The following TPPP variants were observed in gnomAD, a reference collection of about 807,000 sequenced individuals.
The protein encoded by TPPP is tubulin polymerization-promoting protein.
A neutral mutation model predicts 15.5 loss-of-function variants in TPPP; 6 were observed. That is an observed-to-expected ratio of 0.39 (90% confidence interval 0.21 to 0.77). TPPP has a LOEUF of 0.77. Ranked by LOEUF, TPPP falls within the 30% of genes least tolerant of loss-of-function variation. The pLI is 0.42. For synonymous variants in TPPP, 146 were observed against 133.9 expected (o/e 1.09, Z -0.63); for missense variants, 269 against 307.2 (o/e 0.88, Z 0.93).
intron 2 of TPPP, chr5:675,978 C>T (rs944963341): frequency 6.6e-6 from 1 of 152,114 alleles, no homozygotes; most frequent in Non-Finnish European, 1.5e-5. Flanking sequence ...GAGACCAGCT[C>T]GCACCCGGGG....
chr5:682,722 C>T (rs1454519921), intron 1 of TPPP, among the ~76,000 whole-genome samples: 1 of 152,128 alleles, frequency 6.6e-6, no homozygotes, highest in African/African-American at 2.4e-5. Flanking sequence ...GCAGCAGCCT[C>T]GGTGCTCCCT....
At chr5:671,196 G>A (rs936922284) in intron 2 of TPPP, among the ~76,000 whole-genome samples, 15 of 151,632 alleles carry the variant, frequency 9.9e-5, no homozygotes, top group Admixed American at 2.0e-4. Flanking sequence ...CACACCCTGC[G>A]CTTGCTGCTA....
intron 1 of TPPP, among the ~76,000 whole-genome samples, chr5:683,298 C>CTG (rs60325690): frequency 0.48 from 72,576 of 151,918 alleles, 18,264 homozygotes; most frequent in South Asian, 0.57. Flanking sequence ...GAAAGACACT[C>CTG]TGATGGCAGC....
At chr5:692,680 C>A in intron 1 of TPPP, 3 of 982,760 alleles carry the variant, frequency 3.1e-6, no homozygotes, top group Non-Finnish European at 3.6e-6. Context: ...GCCACAGGCC[C>A]GCGGACAGTA....
intron 1 of TPPP, among the ~76,000 whole-genome samples, chr5:685,007 A>G (rs892994844): frequency 1.2e-4 from 19 of 152,102 alleles, no homozygotes; most frequent in Non-Finnish European, 2.1e-4. Flanking sequence ...GGGCCGCCCC[A>G]GGACACACGT....
upstream of TPPP, among the ~76,000 whole-genome samples, chr5:693,727 G>C (rs570602563): frequency 5.5e-3 from 827 of 150,940 alleles, 7 homozygotes; most frequent in African/African-American, 0.019. Context: ...TTGACGGTGC[G>C]GCGGGGGATG....
chr5:697,185 ACT>A (rs56718634), upstream of TPPP, among the ~76,000 whole-genome samples: 56,971 of 146,542 alleles, frequency 0.39, 7,657 homozygotes, highest in Middle Eastern at 0.46. Flanking sequence ...CCAGGGAGCG[ACT>A]CTGGCCCCCC....
chr5:666,079 G>C lies in TPPP; in HGVS notation c.356C>G (p.Ala119Gly), dbSNP rs749246726. The stretch of plus-strand genomic sequence containing the variant: ...TCGCTTCTTGGCGAGCTCCTCCAGC[G>C]CCTCCTGGAACTGCTCAAAGGTGAT... ...RTITFEQFQE[A>G]LEELAKKRFK... The change falls in exon 3 of 4, where the codon GCG becomes GGG. Residue 119 changes from alanine (A) to glycine (G), a missense_variant. Physicochemically the swap from Ala to Gly is moderately conservative, Grantham distance 60. Transcript: ENST00000360578. The C allele has an allele frequency of 3.7e-6, 6 of 1,612,124 alleles. No individual in the cohort carries two copies. In the East Asian group the frequency reaches 1.1e-4, roughly 30 times the overall value.
chr5:672,066 C>T lies in TPPP; in HGVS notation c.311+5684G>A, dbSNP rs546207779. ...CGGCTGCCCTCCAAACACACTGTGA[C>T]CTGGATTCTCTCCAAACCTGGGTCC... On this transcript the variant is annotated intron_variant, in intron 2 of 3. Coordinates refer to ENST00000360578, the MANE Select transcript of TPPP (RefSeq NM_007030.3). Among the ~76,000 whole-genome samples the T allele has an allele frequency of 1.0e-3, 156 of 152,362 alleles. 2 individuals are homozygous for T. The highest frequency in any genetic ancestry group is 9.0e-3 in the Admixed American group (138 of 15,308).
chr5:671,418 G>C (rs1580082130), intron 2 of TPPP, among the ~76,000 whole-genome samples: 1 of 152,190 alleles, frequency 6.6e-6, no homozygotes, highest in South Asian at 2.1e-4. Flanking sequence ...CCCCAGTCTC[G>C]GCCTGGGCAG....
At chr5:678,773 G>A (rs1225866108) in intron 1 of TPPP, among the ~76,000 whole-genome samples, 2 of 152,196 alleles carry the variant, frequency 1.3e-5, no homozygotes, top group East Asian at 1.9e-4. Context: ...ACGCCCTCTG[G>A]ACTTTGCAAG....
intron 1 of TPPP, among the ~76,000 whole-genome samples, chr5:691,740 A>G (rs1176272531): frequency 2.3e-5 from 1 of 42,636 alleles, no homozygotes; most frequent in Non-Finnish European, 4.5e-5. Context: ...TCAAAACAGC[A>G]GCCCCCAACC....
At chr5:670,034 A>C (rs755731921) in intron 2 of TPPP, among the ~76,000 whole-genome samples, 12 of 152,066 alleles carry the variant, frequency 7.9e-5, no homozygotes, top group Non-Finnish European at 1.6e-4. Context: ...GCCGCTGCTC[A>C]TACACGATGC....
intron 1 of TPPP, among the ~76,000 whole-genome samples, chr5:679,080 G>T (rs425543): frequency 0.48 from 72,204 of 151,898 alleles, 18,117 homozygotes; most frequent in South Asian, 0.56. Context: ...CGGTGGGAGG[G>T]TCCGTGCCGA....
At chr5:679,395 G>GGGGGCAGGGTCTCA (rs1740557058) in intron 1 of TPPP, among the ~76,000 whole-genome samples, 2 of 120,914 alleles carry the variant, frequency 1.7e-5, no homozygotes, top group Admixed American at 7.4e-5. Flanking sequence ...GCTGGGCCGC[G>GGGGGCAGGGTCTCA]TGGGGGCAGG....
chr5:677,609 G>T (rs1579190010), intron 2 of TPPP, 141 bp downstream of exon 2: 1 of 735,056 alleles, frequency 1.4e-6, no homozygotes, highest in Non-Finnish European at 2.1e-6. Flanking sequence ...CCATGTCAGG[G>T]CTGCTTCTGA....
chr5:681,528 G>A (rs1265137425), intron 1 of TPPP, among the ~76,000 whole-genome samples: 5 of 152,132 alleles, frequency 3.3e-5, no homozygotes, highest in South Asian at 4.1e-4. Flanking sequence ...CCCACTGGCC[G>A]GCACCTCCCT....
At chr5:686,472 G>A (rs1164160546) in intron 1 of TPPP, among the ~76,000 whole-genome samples, 2 of 151,606 alleles carry the variant, frequency 1.3e-5, no homozygotes, top group East Asian at 1.9e-4. Flanking sequence ...CCAGACTCAC[G>A]AGGACCCTGC....
chr5:698,495 C>A, the TPPP span, among the ~76,000 whole-genome samples: 6 of 152,012 alleles, frequency 3.9e-5, no homozygotes, highest in Non-Finnish European at 8.8e-5. Context: ...CATGGACTTA[C>A]AGTTCCACAC....
Sources: allele counts gnomAD v4.1 joint callset (sites outside exome capture counted in the v4.1 genomes callset), GRCh38; gene constraint gnomAD v4.1.1; transcripts MANE v1.5; gene names NCBI Gene and HGNC (gene_info 2026-07-23, HGNC 2026-07-21).